The following ZNF331 variants were observed in gnomAD, a reference collection of about 807,000 sequenced individuals.
ZNF331 encodes zinc finger protein 331.
In ZNF331, 2 loss-of-function variants were observed where a neutral mutation model predicts 7.0. That is an observed-to-expected ratio of 0.29 (90% CI 0.12 to 0.90). The LOEUF (loss-of-function observed/expected upper bound fraction) is 0.90, where lower values mean the gene tolerates loss of function less well. Among genes scored for constraint, ZNF331 ranks in the 40% least tolerant of loss-of-function variants. ZNF331 has a pLI of 0.58. For synonymous variants in ZNF331, 196 were observed against 205.4 expected (o/e 0.95, Z 0.39); for missense variants, 432 against 587.7 (o/e 0.74, Z 2.74).
chr19:53,548,645 C>T (rs1373069002), intron 2 of ZNF331, among the ~76,000 whole-genome samples: 1 of 152,034 alleles, frequency 6.6e-6, no homozygotes, highest in Non-Finnish European at 1.5e-5. Context: ...GTTTCCTTTG[C>T]TGTGTGGGAG....
At chr19:53,517,294 T>C (rs529004484), upstream of ZNF331, among the ~76,000 whole-genome samples, 104 of 152,238 alleles carry the variant, frequency 6.8e-4, no homozygotes, top group Middle Eastern at 3.4e-3. Flanking sequence ...TTACATTTCA[T>C]GGGGCACTTT....
chr19:53,550,981 A>G (rs1008419999), intron 2 of ZNF331, among the ~76,000 whole-genome samples: 1 of 150,370 alleles, frequency 6.7e-6, no homozygotes, highest in South Asian at 2.1e-4. Context: ...AGTAGTGTGC[A>G]CCACTATGCC....
chr19:53,513,504 G>A, the ZNF331 span, among the ~76,000 whole-genome samples: 1 of 152,112 alleles, frequency 6.6e-6, no homozygotes, highest in African/African-American at 2.4e-5. Context: ...AACGTACAGG[G>A]GTATTTTTTT....
At chr19:53,518,007 A>C (rs2086944534), upstream of ZNF331, among the ~76,000 whole-genome samples, 1 of 152,176 alleles carries the variant, frequency 6.6e-6, no homozygotes, top group Non-Finnish European at 1.5e-5. Context: ...CAGCTGGTAA[A>C]GGATTGTTTC....
rs190850124 is a variant in ZNF331, at chr19:53,558,782, G to C, written c.-74+2874G>C. Among the ~76,000 whole-genome samples the C allele has an allele frequency of 1.9e-3, 293 of 151,766 alleles. 1 individual carries two copies. Among genetic ancestry groups the C allele is most frequent in the African/African-American group, 6.7e-3 (277 of 41,278 alleles). On this transcript the variant is annotated intron_variant, in intron 3 of 5. Transcript: ENST00000449416. The surrounding 1 kb of genome is among the most constrained non-coding windows in gnomAD (Gnocchi z 4.5). ...ATGGAATTATGAGCCAGGAACCATG[G>C]ACAAGAACATACAGACACACTCATA... is the stretch of plus-strand genomic sequence containing the variant.
chr19:53,516,705 C>T (rs1320205291), upstream of ZNF331, among the ~76,000 whole-genome samples: 1 of 152,086 alleles, frequency 6.6e-6, no homozygotes, highest in Non-Finnish European at 1.5e-5. Context: ...GTTATCCAGG[C>T]CCCTAAACAG....
upstream of ZNF331, chr19:53,536,231 A>G (rs1480241533): frequency 2.6e-5 from 4 of 150,992 alleles, no homozygotes; most frequent in Admixed American, 2.6e-4. Context: ...TTTAGTAATA[A>G]CAGCTACCTT....
intron 2 of ZNF331, among the ~76,000 whole-genome samples, chr19:53,549,796 A>G (rs910050251): frequency 3.3e-5 from 5 of 149,410 alleles, no homozygotes; most frequent in Admixed American, 1.3e-4. Context: ...CTTCCTTCCT[A>G]TCTTTAGACT....
chr19:53,561,517 T>C (rs2089886760), intron 3 of ZNF331, among the ~76,000 whole-genome samples: 1 of 152,308 alleles, frequency 6.6e-6, no homozygotes, highest in African/African-American at 2.4e-5. Context: ...GCTGGAATTT[T>C]GCTAATTAAT....
the ZNF331 span, among the ~76,000 whole-genome samples, chr19:53,511,379 C>T: frequency 6.6e-6 from 1 of 151,750 alleles, no homozygotes; most frequent in Non-Finnish European, 1.5e-5. Flanking sequence ...AAACATATAA[C>T]AATATGTAAA....
intron 3 of ZNF331, among the ~76,000 whole-genome samples, chr19:53,568,815 T>A (rs1361592290): frequency 6.6e-6 from 1 of 150,916 alleles, no homozygotes; most frequent in Non-Finnish European, 1.5e-5. Context: ...TGAGGTTTCA[T>A]TGAGAGCTTG....
At chr19:53,529,503 C>T (rs1251051236) in intron 2 of ZNF331, among the ~76,000 whole-genome samples, 2 of 152,032 alleles carry the variant, frequency 1.3e-5, no homozygotes, top group Non-Finnish European at 2.9e-5. Context: ...GTTCAATCAT[C>T]ATTGGTATAA....
chr19:53,518,422 A>T (rs1169894789), upstream of ZNF331, among the ~76,000 whole-genome samples: 1 of 152,160 alleles, frequency 6.6e-6, no homozygotes, highest in African/African-American at 2.4e-5. Context: ...ATGGCCTATC[A>T]TGGGACTGGG....
rs1061422 is a variant in ZNF331 at position 53,579,415 on chromosome 19, G to C, written c.*1463G>C. ...GCTCACTACCCCTGTGCGTTGTCCA[G>C]CACACAGACACTATGTGCATTATTT... is the stretch of plus-strand genomic sequence containing the variant. On this transcript the variant is annotated 3_prime_UTR_variant, in exon 6 of 6. Transcript: ENST00000449416. 9,442 of 177,986 alleles carry C rather than the reference G, an allele frequency of 0.053. 268 individuals carry two copies. The highest frequency in any genetic ancestry group is 0.077 in the Non-Finnish European group (6,582 of 84,992). 11.0% of individuals were successfully genotyped at this position (177,986 alleles called of 1,614,324 possible). A position where few individuals can be genotyped will look rare whatever the true frequency, so the allele number is the denominator to read the frequency against.
At chr19:53,561,740 C>T (rs1175072744) in intron 3 of ZNF331, among the ~76,000 whole-genome samples, 2 of 152,096 alleles carry the variant, frequency 1.3e-5, no homozygotes, top group East Asian at 3.9e-4. Flanking sequence ...ATGGTCCTAG[C>T]TACTTAGGAA....
intron 2 of ZNF331, among the ~76,000 whole-genome samples, chr19:53,543,223 A>C (rs2088306097): frequency 6.6e-6 from 1 of 152,146 alleles, no homozygotes; most frequent in African/African-American, 2.4e-5. Flanking sequence ...CCACAAGTTC[A>C]AGACCAACCT....
At chr19:53,531,520 A>AT (rs2087539642) in intron 2 of ZNF331, among the ~76,000 whole-genome samples, 1 of 152,164 alleles carries the variant, frequency 6.6e-6, no homozygotes, top group Admixed American at 6.5e-5. Flanking sequence ...TAAGGAAAAG[A>AT]TTCGTTTTTA....
upstream of ZNF331, among the ~76,000 whole-genome samples, chr19:53,533,414 T>C (rs1012099864): frequency 6.6e-6 from 1 of 152,218 alleles, no homozygotes; most frequent in African/African-American, 2.4e-5. Flanking sequence ...TAATATGTTA[T>C]CTGTCCTGGA....
chr19:53,577,233 C>T lies in ZNF331; in HGVS notation c.673C>T (p.Arg225Trp). The T allele has an allele frequency of 6.2e-7, 1 of 1,613,084 alleles. No individual in the cohort carries two copies. ...ATGTAAAGACTGTGGAAAGGCCTTT[C>T]GGCGTGGTGATGAGCTCACTCAGCA... ...YECKDCGKAF[R>W]RGDELTQHQR... is the part of the protein sequence containing the mutation. Residue 225 changes from arginine to tryptophan, a missense_variant, in exon 6 of 6, where the codon CGG (arginine) becomes TGG (tryptophan). Arg to Trp is a moderately radical substitution (Grantham distance 101). Transcript: ENST00000449416.
Sources: allele counts gnomAD v4.1 joint callset (sites outside exome capture counted in the v4.1 genomes callset), GRCh38; gene constraint gnomAD v4.1.1; non-coding constraint Gnocchi (gnomAD v3.1); transcripts MANE v1.5; gene names NCBI Gene and HGNC (gene_info 2026-07-23, HGNC 2026-07-21).